The following MLN variants were observed in gnomAD, a reference collection of about 807,000 sequenced individuals.
The protein encoded by MLN is motilin.
A neutral mutation model predicts 13.3 loss-of-function variants in MLN; 14 were observed. That is an observed-to-expected ratio of 1.05 (90% CI 0.69 to 1.64). The LOEUF (loss-of-function observed/expected upper bound fraction) is 1.64. Among genes scored for constraint, MLN ranks in the 40% most tolerant of loss-of-function variants. MLN has a pLI of 0.00. For missense variants in MLN, 122 were observed against 142.9 expected, an observed-to-expected ratio of 0.85 and a Z score of 0.75; for synonymous variants, 59 against 54.7, an observed-to-expected ratio of 1.08 and a Z score of -0.34.
intron 1 of MLN, among the ~76,000 whole-genome samples, chr6:33,802,169 C>T (rs981528918): frequency 7.9e-5 from 12 of 152,176 alleles, no homozygotes; most frequent in African/African-American, 1.2e-4. Context: ...CCCAATACCC[C>T]ACTCTACGTT....
At chr6:33,796,342 G>A (rs1767923040) in intron 3 of MLN, among the ~76,000 whole-genome samples, 1 of 151,342 alleles carries the variant, frequency 6.6e-6, no homozygotes, top group Non-Finnish European at 1.5e-5. Context: ...GGAAGAAGAC[G>A]GTACACCCAA....
At position 33,799,719 on chromosome 6, in the gene MLN, A is replaced by G. The variant is rs531971267; in HGVS notation, c.118-498T>C. Among the ~76,000 whole-genome samples, 2 of 152,310 alleles carry G rather than the reference A, an allele frequency of 1.3e-5. No individual in the cohort carries two copies. The highest frequency in any genetic ancestry group is 4.8e-5 in the African/African-American group (2 of 41,552). ...GGAGGAGGGAGTTTGTAGCTTCTTC[A>G]TAAAAATCCTGGTGCCTGGCAATTA... On this transcript the variant is annotated intron_variant, in intron 2 of 4. Transcript: ENST00000430124. This position sits in a 1 kb window ranked among gnomAD's most constrained non-coding sequence, Gnocchi z 4.6.
At chr6:33,796,830 T>C (rs1265221560) in intron 3 of MLN, among the ~76,000 whole-genome samples, 2 of 152,142 alleles carry the variant, frequency 1.3e-5, no homozygotes, top group Non-Finnish European at 2.9e-5. Flanking sequence ...TTGTAGGAGA[T>C]GGAAAGAGGT....
rs1463771252 is a variant in MLN at position 33,799,167 on chromosome 6, C to T, written c.172G>A (p.Gly58Arg). The change falls in exon 3 of 5, where the codon GGG becomes AGG. Residue 58 changes from glycine to arginine, a missense_variant. Physicochemically the swap from Gly to Arg is moderately radical, Grantham distance 125. Transcript: ENST00000430124. The surrounding 1 kb of genome is among the most constrained non-coding windows in gnomAD (Gnocchi z 4.6). The stretch of plus-strand genomic sequence containing the variant: ...GCAGGGTCTACAGGACCTTCCTCCC[C>T]AGACCTCTGCCATACACTCAGGGAT... The part of the protein sequence containing the change: ...KKSLSVWQRS[G>R]EEGPVDPAEP... 1 of 1,613,366 alleles carries T rather than the reference C, an allele frequency of 6.2e-7. No individual in the cohort carries two copies. The highest frequency in any genetic ancestry group is 1.7e-5 in the Admixed American group (1 of 60,002).
intron 2 of MLN, among the ~76,000 whole-genome samples, chr6:33,800,348 C>T (rs1768013993): frequency 6.6e-6 from 1 of 152,252 alleles, no homozygotes; most frequent in Non-Finnish European, 1.5e-5. Flanking sequence ...GGAGGCAGAG[C>T]CAGCAGTTCC....
At chr6:33,801,386 C>A (rs1357039515) in intron 1 of MLN, among the ~76,000 whole-genome samples, 1 of 152,230 alleles carries the variant, frequency 6.6e-6, no homozygotes, top group South Asian at 2.1e-4. Flanking sequence ...GCTGGCCAAG[C>A]TCCTGGGAAA....
chr6:33,800,831 T>C (rs1768027297), intron 2 of MLN, among the ~76,000 whole-genome samples: 1 of 152,214 alleles, frequency 6.6e-6, no homozygotes, highest in South Asian at 2.1e-4. Flanking sequence ...TAATTTAAAA[T>C]TTCCTCCAAA....
At chr6:33,796,897 G>A (rs1415669691) in intron 3 of MLN, among the ~76,000 whole-genome samples, 1 of 152,142 alleles carries the variant, frequency 6.6e-6, no homozygotes. Flanking sequence ...CAATGTCCCC[G>A]GGCAACCTTG....
At position 33,799,078 on chromosome 6, in the gene MLN, T is replaced by A. The variant is rs1396432927; in HGVS notation, c.234+27A>T. The A allele has an allele frequency of 2.6e-6, 4 of 1,521,550 alleles. No homozygotes were observed. The highest frequency in any genetic ancestry group is 3.4e-4 in the Middle Eastern group (2 of 5,858). The allele number at this position is 1,521,550 out of a possible 1,614,324, so 94.3% of individuals were successfully genotyped here. A position where few individuals can be genotyped will look rare whatever the true frequency, so the allele number is the denominator to read the frequency against. Reference sequence around the variant, plus strand: ...GAATGCATGCCCTGCTCTGAGTTTCTCTCCTTTGTCCCAGTTGTCTGCTCA... The same window carrying A: ...GAATGCATGCCCTGCTCTGAGTTTCACTCCTTTGTCCCAGTTGTCTGCTCA... On this transcript the variant is annotated intron_variant, in intron 3 of 4. Coordinates refer to ENST00000430124, the MANE Select transcript of MLN (RefSeq NM_002418.3). This position sits in a 1 kb window ranked among gnomAD's most constrained non-coding sequence, Gnocchi z 4.6.
intron 4 of MLN, 58 bp downstream of exon 4, chr6:33,795,445 T>A (rs1767890411): frequency 7.2e-7 from 1 of 1,388,216 alleles, no homozygotes; most frequent in South Asian, 1.2e-5. Flanking sequence ...CTCTGGAGTA[T>A]TAACGCCAGG....
rs561850915 is a variant in MLN, at chr6:33,803,322, T to C, written c.-8+631A>G. Among the ~76,000 whole-genome samples, 695 of 150,694 alleles carry C rather than the reference T, an allele frequency of 4.6e-3. 4 individuals carry two copies. Among genetic ancestry groups the C allele is most frequent in the Admixed American group, 8.7e-3 (133 of 15,240 alleles). ...TTCTTTTCTTCTTTTTTTTTTTTTT[T>C]TCTGAGATGGAGTCTCGCTCTGTCT... On this transcript the variant is annotated intron_variant, in intron 1 of 4. Coordinates refer to ENST00000430124, the MANE Select transcript of MLN (RefSeq NM_002418.3). This position sits in a 1 kb window ranked among gnomAD's most constrained non-coding sequence, Gnocchi z 4.5.
intron 3 of MLN, among the ~76,000 whole-genome samples, chr6:33,796,973 A>G (rs1358165712): frequency 6.6e-6 from 1 of 152,188 alleles, no homozygotes; most frequent in Non-Finnish European, 1.5e-5. Context: ...CTCCCTGCTC[A>G]CCAGCTGCTG....
chr6:33,803,164 G>C lies in MLN; in HGVS notation c.-8+789C>G, dbSNP rs1271701007. On this transcript the variant is annotated intron_variant, in intron 1 of 4. Transcript: ENST00000430124. This position sits in a 1 kb window ranked among gnomAD's most constrained non-coding sequence, Gnocchi z 4.5. ...ACTTTCCTTTCCCATCATCAGAGATGGGGGGCTTCAACCTTCAAGTGTCCA... is the reference window on the plus strand; with the variant it reads ...ACTTTCCTTTCCCATCATCAGAGATCGGGGGCTTCAACCTTCAAGTGTCCA... 1.3e-5 allele frequency among the ~76,000 whole-genome samples: 2 copies of C among 152,078 alleles called. No homozygotes were observed. The highest frequency in any genetic ancestry group is 4.8e-5 in the African/African-American group (2 of 41,394).
rs112239461 is a variant in MLN at position 33,803,510 on chromosome 6, A to T, written c.-8+443T>A. Among the ~76,000 whole-genome samples, 10,177 of 151,922 alleles carry T rather than the reference A, an allele frequency of 0.067. 812 individuals are homozygous for T. The highest frequency in any genetic ancestry group is 0.19 in the African/African-American group (7,877 of 41,396). On this transcript the variant is annotated intron_variant, in intron 1 of 4. Coordinates refer to ENST00000430124, the MANE Select transcript of MLN (RefSeq NM_002418.3). The surrounding 1 kb of genome is among the most constrained non-coding windows in gnomAD (Gnocchi z 4.5). Reference sequence around the variant, plus strand: ...TTTAGTAGAGACAGGGTGTCACCATATTGGCCTGGCTGGTCTCAAACTCCT... The same window carrying T: ...TTTAGTAGAGACAGGGTGTCACCATTTTGGCCTGGCTGGTCTCAAACTCCT...
At position 33,799,306 on chromosome 6, in the gene MLN, T is replaced by G; in HGVS notation, c.118-85A>C. ...CTTGCCTGTCTCCATCTGCCCAGGG[T>G]GCTGTCTGCCCTGAGCTCCCTACAG... On this transcript the variant is annotated intron_variant, in intron 2 of 4. Coordinates refer to ENST00000430124, the MANE Select transcript of MLN (RefSeq NM_002418.3). The surrounding 1 kb of genome is among the most constrained non-coding windows in gnomAD (Gnocchi z 4.6). 1.0e-6 allele frequency: 1 copy of G among 958,756 alleles called. No individual in the cohort carries two copies. The highest frequency in any genetic ancestry group is 2.2e-4 in the Middle Eastern group (1 of 4,586). The allele number at this position is 958,756 out of a possible 1,614,324, so 59.4% of individuals were successfully genotyped here.
intron 3 of MLN, among the ~76,000 whole-genome samples, chr6:33,798,510 G>A (rs986648708): frequency 1.3e-5 from 2 of 152,190 alleles, no homozygotes; most frequent in Admixed American, 6.5e-5. Flanking sequence ...TGGCACCCTC[G>A]CCACCTCTTT....
At chr6:33,802,310 G>A (rs1375039758) in intron 1 of MLN, among the ~76,000 whole-genome samples, 1 of 152,130 alleles carries the variant, frequency 6.6e-6, no homozygotes, top group East Asian at 1.9e-4. Flanking sequence ...AGGGGAGGCC[G>A]GGACAGCCCC....
rs1768041888 is a variant in MLN at position 33,801,252 on chromosome 6, C to G, written c.-7-82G>C. 9.1e-6 allele frequency: 9 copies of G among 990,456 alleles called. No homozygotes were observed. The Admixed American group carries it at 1.6e-4, about 18-fold the overall frequency. The allele number at this position is 990,456 out of a possible 1,614,324, so 61.4% of individuals were successfully genotyped here. On this transcript the variant is annotated intron_variant, in intron 1 of 4. Transcript: ENST00000430124. ...GTGTCCGAGGCAGGGGCCCTCAGTTCTGGCCCATGCCCTACCTCTAGCTGT... is the reference window on the plus strand; with the variant it reads ...GTGTCCGAGGCAGGGGCCCTCAGTTGTGGCCCATGCCCTACCTCTAGCTGT...
chr6:33,799,050 G>A lies in MLN; in HGVS notation c.234+55C>T, dbSNP rs1767987669. The A allele has an allele frequency of 2.3e-6, 3 of 1,286,980 alleles. No individual in the cohort carries two copies. The highest frequency in any genetic ancestry group is 3.4e-6 in the Non-Finnish European group (3 of 895,508). The allele number at this position is 1,286,980 out of a possible 1,614,324, so 79.7% of individuals were successfully genotyped here. A position where few individuals can be genotyped will look rare whatever the true frequency, so the allele number is the denominator to read the frequency against. ...GTGGGCTCTGCCTCCAGGCCAGGCAGGGGAATGCATGCCCTGCTCTGAGTT... is the reference window on the plus strand; with the variant it reads ...GTGGGCTCTGCCTCCAGGCCAGGCAAGGGAATGCATGCCCTGCTCTGAGTT... On this transcript the variant is annotated intron_variant, in intron 3 of 4. Coordinates refer to ENST00000430124, the MANE Select transcript of MLN (RefSeq NM_002418.3). The surrounding 1 kb of genome is among the most constrained non-coding windows in gnomAD (Gnocchi z 4.6).
Sources: allele counts gnomAD v4.1 joint callset (sites outside exome capture counted in the v4.1 genomes callset), GRCh38; gene constraint gnomAD v4.1.1; non-coding constraint Gnocchi (gnomAD v3.1); transcripts MANE v1.5; gene names NCBI Gene and HGNC (gene_info 2026-07-23, HGNC 2026-07-21).